Variants in RFX3 observed in about 807,000 individuals in gnomAD.
The protein encoded by RFX3 is transcription factor RFX3.
In RFX3, 14 loss-of-function variants were observed where a neutral mutation model predicts 98.6. That is an observed-to-expected ratio of 0.14 (90% confidence interval 0.09 to 0.22). The LOEUF (loss-of-function observed/expected upper bound fraction) is 0.22, where lower values mean the gene tolerates loss of function less well. Among genes scored for constraint, RFX3 ranks in the 10% least tolerant of loss-of-function variants. The probability of loss-of-function intolerance (pLI) is 1.00; values close to 1 mark genes in which losing one functional copy is unlikely to be tolerated. For missense variants in RFX3, 639 were observed against 926.9 expected, an observed-to-expected ratio of 0.69 and a Z score of 4.03; for synonymous variants, 383 against 328.4, an observed-to-expected ratio of 1.17 and a Z score of -1.80.
At chr9:3,472,030 G>C (rs1022601960) in intron 1 of RFX3, among the ~76,000 whole-genome samples, 2 of 152,166 alleles carry the variant, frequency 1.3e-5, no homozygotes, top group Admixed American at 6.5e-5. Context: ...ACACAGAAGG[G>C]TCTTTTTTTG....
At chr9:3,248,514 A>G (rs1490555348) in intron 14 of RFX3, among the ~76,000 whole-genome samples, 1 of 152,232 alleles carries the variant, frequency 6.6e-6, no homozygotes, top group Non-Finnish European at 1.5e-5. Context: ...AAGATTGACC[A>G]CTCATTACTA....
intron 4 of RFX3, among the ~76,000 whole-genome samples, chr9:3,311,920 A>G (rs539156277): frequency 3.3e-5 from 5 of 152,158 alleles, no homozygotes; most frequent in African/African-American, 1.2e-4. Flanking sequence ...GCCAAACAAA[A>G]CAAACCTCTA....
At chr9:3,430,302 T>C (rs974552486) in intron 1 of RFX3, among the ~76,000 whole-genome samples, 1 of 152,206 alleles carries the variant, frequency 6.6e-6, no homozygotes, top group Non-Finnish European at 1.5e-5. Context: ...TAAATCTCTT[T>C]GATTGAGTAA....
intron 1 of RFX3, among the ~76,000 whole-genome samples, chr9:3,417,243 G>C (rs887545958): frequency 2.6e-5 from 4 of 151,868 alleles, no homozygotes; most frequent in African/African-American, 7.3e-5. Context: ...ATAAAATGCA[G>C]TATTATTGAT....
At chr9:3,383,703 CAG>C in intron 2 of RFX3, among the ~76,000 whole-genome samples, 1 of 152,124 alleles carries the variant, frequency 6.6e-6, no homozygotes, top group Non-Finnish European at 1.5e-5. Context: ...AATGAACCAT[CAG>C]AGTCTTTTCA....
chr9:3,388,981 G>A (rs533463322), intron 2 of RFX3, among the ~76,000 whole-genome samples: 6 of 152,150 alleles, frequency 3.9e-5, no homozygotes, highest in Non-Finnish European at 8.8e-5. Context: ...CAGTTGCAAA[G>A]GCAGTTAAAA....
rs138284182 is a variant in RFX3 at position 3,330,138 on chromosome 9, A to C, written c.474+121T>G. On this transcript the variant is annotated intron_variant, in intron 4 of 16. Coordinates refer to ENST00000617270, the MANE Select transcript of RFX3 (RefSeq NM_001282116.2). Reference sequence around the variant, plus strand: ...TACATTCTGCAAACTCTCAATACTAAAACTATCCAACACATTCTTGCCCCA... The same window carrying C: ...TACATTCTGCAAACTCTCAATACTACAACTATCCAACACATTCTTGCCCCA... 5 of 1,019,150 alleles carry C rather than the reference A, an allele frequency of 4.9e-6. No homozygotes were observed. The East Asian group carries it at 1.3e-4, about 27-fold the overall frequency. 63.1% of individuals were successfully genotyped at this position (1,019,150 alleles called of 1,614,324 possible).
intron 12 of RFX3, among the ~76,000 whole-genome samples, chr9:3,263,622 C>T (rs562322896): frequency 7.2e-5 from 11 of 152,176 alleles, no homozygotes; most frequent in African/African-American, 2.2e-4. Context: ...AATTTTGAGG[C>T]GAGATTATCA....
chr9:3,317,750 G>T (rs1390617025), intron 4 of RFX3, among the ~76,000 whole-genome samples: 1 of 152,174 alleles, frequency 6.6e-6, no homozygotes, highest in African/African-American at 2.4e-5. Context: ...CATTTATGCA[G>T]CCAATAGACA....
At position 3,224,808 on chromosome 9, in the gene RFX3, T is replaced by G; in HGVS notation, c.*234A>C. 2.4e-6 allele frequency: 1 copy of G among 409,726 alleles called. No individual in the cohort carries two copies. 25.4% of individuals were successfully genotyped at this position (409,726 alleles called of 1,614,324 possible). ...ACATTAAGTGTTGTAAAAATCCTTC[T>G]TGACACCTGAAACTAAGGGAAAAAA... On this transcript the variant is annotated 3_prime_UTR_variant, in exon 17 of 17. Transcript: ENST00000617270.
chr9:3,509,800 T>G (rs1489381316), intron 1 of RFX3, among the ~76,000 whole-genome samples: 1 of 141,418 alleles, frequency 7.1e-6, no homozygotes, highest in Non-Finnish European at 1.5e-5. Context: ...TTCTTTGCCT[T>G]TAAAAAAAGT....
intron 4 of RFX3, among the ~76,000 whole-genome samples, chr9:3,316,572 G>C (rs1215084317): frequency 6.6e-6 from 1 of 152,214 alleles, no homozygotes; most frequent in East Asian, 1.9e-4. Context: ...ATTAGGAAAA[G>C]AGGAAGTCAA....
At chr9:3,343,096 A>C (rs943904227) in intron 3 of RFX3, among the ~76,000 whole-genome samples, 7 of 152,218 alleles carry the variant, frequency 4.6e-5, no homozygotes, top group African/African-American at 1.7e-4. Context: ...TAAACATTTT[A>C]GTATCATCAA....
intron 4 of RFX3, chr9:3,324,159 G>A (rs1181400905): frequency 3.5e-6 from 1 of 287,650 alleles, no homozygotes; most frequent in South Asian, 3.5e-5. Context: ...ACATGTTCCT[G>A]CCAAAATAAG....
At chr9:3,385,589 T>C (rs1044001146) in intron 2 of RFX3, among the ~76,000 whole-genome samples, 4 of 149,924 alleles carry the variant, frequency 2.7e-5, no homozygotes, top group African/African-American at 9.9e-5. Flanking sequence ...GCGCCTGTAA[T>C]CCCAGCTACT....
Position 3,422,615 on chromosome 9 carries a change from C to T in RFX3, c.-8-27019G>A, listed in dbSNP as rs199749628. 2.6e-5 allele frequency among the ~76,000 whole-genome samples: 4 copies of T among 152,240 alleles called. No individual in the cohort carries two copies. In the East Asian group the frequency reaches 7.7e-4, roughly 29 times the overall value. ...TCAACAACTTGAATCATTCAATATG[C>T]CAGTTAAGAAGACTCCAAAATAAGT... On this transcript the variant is annotated intron_variant, in intron 1 of 16. Transcript: ENST00000617270.
chr9:3,524,129 C>T (rs1039408422), intron 1 of RFX3, among the ~76,000 whole-genome samples: 2 of 152,040 alleles, frequency 1.3e-5, no homozygotes, highest in Non-Finnish European at 2.9e-5. Context: ...AAATTTAAAA[C>T]TTCAATATGT....
intron 1 of RFX3, among the ~76,000 whole-genome samples, chr9:3,524,827 G>GCACACACACACACA (rs34119220): frequency 2.3e-5 from 3 of 128,130 alleles, no homozygotes; most frequent in Admixed American, 7.9e-5. Context: ...TAAATCACAA[G>GCACACACACACACA]CACACACACA....
intron 1 of RFX3, chr9:3,488,866 C>T (rs991178364): frequency 3.1e-5 from 31 of 984,572 alleles, no homozygotes; most frequent in Non-Finnish European, 3.5e-5. Context: ...GTTTATCTTC[C>T]CAAAGAAACT....
Sources: allele counts gnomAD v4.1 joint callset (sites outside exome capture counted in the v4.1 genomes callset), GRCh38; gene constraint gnomAD v4.1.1; transcripts MANE v1.5; gene names NCBI Gene and HGNC (gene_info 2026-07-23, HGNC 2026-07-21).